The following NALCN variants were observed in gnomAD, a reference collection of about 807,000 sequenced individuals.
NALCN encodes sodium leak channel, non-selective, also known as sodium leak channel NALCN.
A neutral mutation model predicts 225.3 loss-of-function variants in NALCN; 111 were observed. That is an observed-to-expected ratio of 0.49 (90% CI 0.42 to 0.58). NALCN has a LOEUF of 0.58. Among genes scored for constraint, NALCN ranks in the 20% least tolerant of loss-of-function variants. The pLI is 0.00. For missense variants in NALCN, 1,378 were observed against 2,202.4 expected (o/e 0.63, Z 7.49); for synonymous variants, 764 against 769.0 (o/e 0.99, Z 0.11).
chr13:101,368,656 G>T (rs1044884215), intron 6 of NALCN: 3 of 152,196 alleles, frequency 2.0e-5, no homozygotes, highest in Non-Finnish European at 4.4e-5. Context: ...GGTGCTGACA[G>T]TTTTTCTGCT....
At chr13:101,354,442 A>G (rs1430276909) in intron 6 of NALCN, among the ~76,000 whole-genome samples, 2 of 152,206 alleles carry the variant, frequency 1.3e-5, no homozygotes, top group Non-Finnish European at 2.9e-5. Flanking sequence ...AAGGCAGTCC[A>G]CTGTCTTTGA....
intron 13 of NALCN, among the ~76,000 whole-genome samples, chr13:101,204,029 G>A (rs767803922): frequency 6.6e-6 from 1 of 152,164 alleles, no homozygotes; most frequent in South Asian, 2.1e-4. Context: ...ATGTTAAAAC[G>A]CAATGGAACA....
intron 7 of NALCN, among the ~76,000 whole-genome samples, chr13:101,313,513 G>T (rs1333491146): frequency 1.1e-4 from 16 of 152,050 alleles, no homozygotes. Context: ...GTGGGTGAAG[G>T]ATATGAACAG....
In NALCN at chr13:101,063,351, T is replaced by C. The variant is rs1308664028; in HGVS notation, c.4605-1233A>G. Among the ~76,000 whole-genome samples, 3 of 152,220 alleles carry C rather than the reference T, an allele frequency of 2.0e-5. No individual in the cohort carries two copies. The South Asian group carries it at 6.2e-4, about 31-fold the overall frequency. ...CATCAAGAATCCCATCAAAGCTTCATTGCTTTTATCTTCACTGTTTGTTTT... is the reference window on the plus strand; with the variant it reads ...CATCAAGAATCCCATCAAAGCTTCACTGCTTTTATCTTCACTGTTTGTTTT... On this transcript the variant is annotated intron_variant, in intron 40 of 43. Coordinates refer to ENST00000251127, the MANE Select transcript of NALCN (RefSeq NM_052867.4).
At chr13:101,337,919 A>C (rs2139267231) in intron 7 of NALCN, among the ~76,000 whole-genome samples, 1 of 152,288 alleles carries the variant, frequency 6.6e-6, no homozygotes, top group South Asian at 2.1e-4. Context: ...ATTCTTGCTT[A>C]TCTCATTCTC....
intron 11 of NALCN, among the ~76,000 whole-genome samples, chr13:101,254,205 A>T (rs915395146): frequency 6.6e-6 from 1 of 151,906 alleles, no homozygotes; most frequent in African/African-American, 2.4e-5. Flanking sequence ...TAACATGGCG[A>T]AACCCCATCT....
intron 28 of NALCN, among the ~76,000 whole-genome samples, chr13:101,090,897 C>T (rs1408992904): frequency 1.3e-5 from 2 of 152,178 alleles, no homozygotes; most frequent in Non-Finnish European, 2.9e-5. Context: ...TCCCCGCTGT[C>T]CAGAGTTTCC....
In NALCN at chr13:101,102,361, G is replaced by A. The variant is rs564055977; in HGVS notation, c.3057+811C>T. On this transcript the variant is annotated intron_variant, in intron 26 of 43. Coordinates refer to ENST00000251127, the MANE Select transcript of NALCN (RefSeq NM_052867.4). ...CAATCTATCTTTAAAATACATTTGT[G>A]TCAACTACAACTACAGCTGTTTTCT... Among the ~76,000 whole-genome samples the A allele has an allele frequency of 2.0e-5, 3 of 152,048 alleles. No homozygotes were observed. The South Asian group carries it at 6.2e-4, about 32-fold the overall frequency.
chr13:101,224,693 C>T (rs957527118), intron 13 of NALCN, among the ~76,000 whole-genome samples: 9 of 152,090 alleles, frequency 5.9e-5, no homozygotes, highest in African/African-American at 2.2e-4. Flanking sequence ...GAGCCGACAC[C>T]CTGTTCAGAG....
intron 7 of NALCN, among the ~76,000 whole-genome samples, chr13:101,305,148 C>T (rs1405372022): frequency 6.6e-6 from 1 of 152,118 alleles, no homozygotes; most frequent in African/African-American, 2.4e-5. Flanking sequence ...AACCTCTGTA[C>T]TAGATTCATT....
chr13:101,074,704 GA>G, intron 35 of NALCN, 42 bp from the exon 36 acceptor site: 1 of 1,549,208 alleles, frequency 6.5e-7, no homozygotes, highest in Non-Finnish European at 8.6e-7. Context: ...GAGAGAGAGA[GA>G]GAGAGAGACA....
At chr13:101,062,230 T>A (rs1415743076) in intron 40 of NALCN, 112 bp from the exon 41 acceptor site, 1 of 1,272,972 alleles carries the variant, frequency 7.9e-7, no homozygotes, top group African/African-American at 1.5e-5. Flanking sequence ...TCTAGTGTTT[T>A]GACGCCACCC....
At chr13:101,355,963 G>A (rs2046046207) in intron 6 of NALCN, among the ~76,000 whole-genome samples, 1 of 152,142 alleles carries the variant, frequency 6.6e-6, no homozygotes, top group African/African-American at 2.4e-5. Context: ...AGTAAATAAT[G>A]AAGTTAAGGC....
chr13:101,361,426 G>C (rs187763951), intron 6 of NALCN, among the ~76,000 whole-genome samples: 2 of 152,234 alleles, frequency 1.3e-5, no homozygotes, highest in African/African-American at 4.8e-5. Context: ...TTACTCATGC[G>C]TCCCACTGAG....
At chr13:101,334,035 T>C (rs946115645) in intron 7 of NALCN, among the ~76,000 whole-genome samples, 4 of 152,098 alleles carry the variant, frequency 2.6e-5, no homozygotes, top group Admixed American at 2.6e-4. Context: ...ATAAATGTGA[T>C]CAGCCAGTCC....
chr13:101,394,144 T>C (rs768203334), intron 3 of NALCN, among the ~76,000 whole-genome samples: 1 of 152,196 alleles, frequency 6.6e-6, no homozygotes, highest in Non-Finnish European at 1.5e-5. Flanking sequence ...TGATGTGTAG[T>C]TACAGGGATT....
At chr13:101,192,300 A>G (rs2039713532) in intron 13 of NALCN, among the ~76,000 whole-genome samples, 2 of 152,228 alleles carry the variant, frequency 1.3e-5, no homozygotes, top group African/African-American at 4.8e-5. Flanking sequence ...TGTTCGCAGT[A>G]AATGCTGTTG....
At chr13:101,328,906 T>A (rs868613386) in intron 7 of NALCN, among the ~76,000 whole-genome samples, 10 of 152,196 alleles carry the variant, frequency 6.6e-5, no homozygotes, top group African/African-American at 2.4e-4. Flanking sequence ...TACTCACTAT[T>A]GTAGCTCTAC....
At chr13:101,061,384 A>C (rs1176639194) in intron 41 of NALCN, among the ~76,000 whole-genome samples, 1 of 100,472 alleles carries the variant, frequency 1.0e-5, no homozygotes, top group Non-Finnish European at 2.0e-5. Flanking sequence ...AATATCAATA[A>C]ACTTTTTTTT....
Sources: allele counts gnomAD v4.1 joint callset (sites outside exome capture counted in the v4.1 genomes callset), GRCh38; gene constraint gnomAD v4.1.1; transcripts MANE v1.5; gene names NCBI Gene and HGNC (gene_info 2026-07-23, HGNC 2026-07-21).